The following SLC18A2 variants were observed in gnomAD, a reference collection of about 807,000 sequenced individuals.
SLC18A2 encodes solute carrier family 18 member A2.
SLC18A2 carries 33 observed loss-of-function variants against 59.2 expected under a neutral mutation model. The ratio of observed to expected loss-of-function variants is 0.56; its 90% CI spans 0.42 to 0.75. The LOEUF (loss-of-function observed/expected upper bound fraction) is 0.75, where lower values mean the gene tolerates loss of function less well. SLC18A2 is among the 30% of genes least tolerant of loss of function. The pLI, the probability that SLC18A2 is intolerant of heterozygous loss-of-function variation, is 0.00. For synonymous variants in SLC18A2, 228 were observed against 253.5 expected (o/e 0.90, Z 0.95); for missense variants, 569 against 668.6 (o/e 0.85, Z 1.64).
chr10:117,274,665 T>C lies in SLC18A2; in HGVS notation c.1441-2497T>C, dbSNP rs1335256193. Among the ~76,000 whole-genome samples, 4 of 152,122 alleles carry C rather than the reference T, an allele frequency of 2.6e-5. No homozygotes were observed. The South Asian group carries it at 6.2e-4, about 24-fold the overall frequency. On this transcript the variant is annotated intron_variant, in intron 15 of 15. Transcript: ENST00000644641. ...CTTACTTAGTGTCCTGCTTGGTAAATAACTCATGTTTTACTCATTGCCACC... is the reference window on the plus strand; with the variant it reads ...CTTACTTAGTGTCCTGCTTGGTAAACAACTCATGTTTTACTCATTGCCACC...
At chr10:117,248,538 C>T (rs1394500538) in intron 3 of SLC18A2, among the ~76,000 whole-genome samples, 1 of 152,146 alleles carries the variant, frequency 6.6e-6, no homozygotes, top group Non-Finnish European at 1.5e-5. Flanking sequence ...GAACCTCTTG[C>T]CTCCTATTTT....
chr10:117,268,001 G>A, intron 13 of SLC18A2: 3 of 368,682 alleles, frequency 8.1e-6, no homozygotes, highest in East Asian at 3.9e-5. Flanking sequence ...CTGGGGCTGG[G>A]CAAACAAAGG....
At chr10:117,252,283 C>T (rs868478633) in intron 3 of SLC18A2, among the ~76,000 whole-genome samples, 2 of 143,340 alleles carry the variant, frequency 1.4e-5, no homozygotes, top group Non-Finnish European at 3.1e-5. Context: ...CATGCTCAGC[C>T]GATTACAATT....
intron 3 of SLC18A2, among the ~76,000 whole-genome samples, chr10:117,247,599 A>AGAC (rs1844121894): frequency 6.6e-6 from 1 of 152,240 alleles, no homozygotes; most frequent in South Asian, 2.1e-4. Flanking sequence ...ACCAGGCAGA[A>AGAC]CTGCTGGAGA....
chr10:117,261,386 C>T (rs1168837064), intron 10 of SLC18A2, among the ~76,000 whole-genome samples: 3 of 152,158 alleles, frequency 2.0e-5, no homozygotes, highest in African/African-American at 7.2e-5. Context: ...TGGCTGACCG[C>T]AATCTCTGCC....
At chr10:117,241,315 CG>C (rs1325301505) in intron 1 of SLC18A2, 95 bp downstream of exon 1, 1 of 173,724 alleles carries the variant, frequency 5.8e-6, no homozygotes, top group Non-Finnish European at 1.2e-5. Flanking sequence ...CAGAGCTACG[CG>C]GGCGGGGCTG....
chr10:117,273,394 A>G (rs1265425715), intron 15 of SLC18A2, among the ~76,000 whole-genome samples: 2 of 152,204 alleles, frequency 1.3e-5, no homozygotes, highest in African/African-American at 4.8e-5. Flanking sequence ...TCCAGGTTGA[A>G]GAATTATTTT....
Position 117,241,731 on chromosome 10 carries a change from A to C in SLC18A2, c.38A>C (p.Gln13Pro). The change falls in exon 2 of 16, where the codon CAG becomes CCG. Residue 13 changes from glutamine (Q) to proline (P), a missense_variant. Gln to Pro is a moderately conservative substitution (Grantham distance 76). This residue lies in a region of SLC18A2 where 377 missense variants were observed against 389.8 expected (regional missense o/e 0.97). Coordinates refer to ENST00000644641, the MANE Select transcript of SLC18A2 (RefSeq NM_003054.6). The stretch of plus-strand genomic sequence containing the variant: ...GAGCTGGCGCTGGTCCGCTGGCTGC[A>C]GGAGAGCCGCCGCTCGCGGAAGCTC... ...LSELALVRWL[Q>P]ESRRSRKLIL... 2.5e-6 allele frequency: 4 copies of C among 1,607,692 alleles called. No homozygotes were observed. The highest frequency in any genetic ancestry group is 2.5e-6 in the Non-Finnish European group (3 of 1,178,066).
chr10:117,263,861 C>T (rs189932071), intron 10 of SLC18A2, among the ~76,000 whole-genome samples: 3 of 152,202 alleles, frequency 2.0e-5, no homozygotes, highest in East Asian at 1.9e-4. Context: ...GGGTAGGACA[C>T]GGGCCTGTAC....
Position 117,269,962 on chromosome 10 carries a change from G to A in SLC18A2, c.1187-109G>A, listed in dbSNP as rs1844405174. On this transcript the variant is annotated intron_variant, in intron 13 of 15. Coordinates refer to ENST00000644641, the MANE Select transcript of SLC18A2 (RefSeq NM_003054.6). The surrounding 1 kb of genome is among the most constrained non-coding windows in gnomAD (Gnocchi z 5.1). The stretch of plus-strand genomic sequence containing the variant: ...CCAAGACTTGCAGGTGGTGATGACA[G>A]AAGGGGAAGAGCTGGCAGGGTGGTG... 1.5e-6 allele frequency: 2 copies of A among 1,344,426 alleles called. No individual in the cohort carries two copies. The highest frequency in any genetic ancestry group is 2.1e-6 in the Non-Finnish European group (2 of 965,078). 83.3% of individuals were successfully genotyped at this position (1,344,426 alleles called of 1,614,324 possible).
rs774822753 is a variant in SLC18A2 at position 117,267,049 on chromosome 10, G to T, written c.1122+14G>T. 4 of 1,604,964 alleles carry T rather than the reference G, an allele frequency of 2.5e-6. No individual in the cohort carries two copies. In the South Asian group the frequency reaches 4.5e-5, roughly 18 times the overall value. Reference sequence around the variant, plus strand: ...AGCATTTTATGTGTGAGTAAAAGATGGCATTTGACAAGTGGGAACAATCTG... The same window carrying T: ...AGCATTTTATGTGTGAGTAAAAGATTGCATTTGACAAGTGGGAACAATCTG... On this transcript the variant is annotated intron_variant, in intron 12 of 15. Transcript: ENST00000644641.
intron 10 of SLC18A2, among the ~76,000 whole-genome samples, chr10:117,265,825 C>T (rs191638674): frequency 7.0e-4 from 106 of 152,314 alleles, no homozygotes; most frequent in Non-Finnish European, 1.4e-3. Context: ...CGTGGTGGCT[C>T]ACGCCTGTAA....
At chr10:117,266,708 A>C in intron 10 of SLC18A2, 25 bp from the exon 11 acceptor site, 1 of 1,543,368 alleles carries the variant, frequency 6.5e-7, no homozygotes, top group South Asian at 1.1e-5. Context: ...AGCACTGATA[A>C]GGTCTCCTTT....
chr10:117,254,551 G>A (rs1844204317), intron 6 of SLC18A2, 54 bp downstream of exon 6: 3 of 1,337,946 alleles, frequency 2.2e-6, no homozygotes, highest in African/African-American at 2.9e-5. Flanking sequence ...CCTGGTGCTG[G>A]ACAGCGGCAG....
At chr10:117,251,557 T>C (rs1565002912) in intron 3 of SLC18A2, among the ~76,000 whole-genome samples, 1 of 152,200 alleles carries the variant, frequency 6.6e-6, no homozygotes, top group Non-Finnish European at 1.5e-5. Context: ...GGGGAATCTT[T>C]GCATGGTTTG....
intron 15 of SLC18A2, among the ~76,000 whole-genome samples, chr10:117,273,695 G>GT (rs1844452338): frequency 6.6e-6 from 1 of 152,160 alleles, no homozygotes; most frequent in Non-Finnish European, 1.5e-5. Context: ...TGCTTTTCTA[G>GT]TTATGTTAAA....
chr10:117,273,235 G>A (rs1201593477), intron 15 of SLC18A2, among the ~76,000 whole-genome samples: 2 of 152,086 alleles, frequency 1.3e-5, no homozygotes, highest in Non-Finnish European at 2.9e-5. Context: ...AGTATAGGTG[G>A]AGGAAAAAAA....
chr10:117,277,116 T>G, intron 15 of SLC18A2, 46 bp from the exon 16 acceptor site: 1 of 1,101,944 alleles, frequency 9.1e-7, no homozygotes, highest in East Asian at 2.4e-5. Flanking sequence ...CCATCTTATC[T>G]TTATGAAACA....
chr10:117,251,967 A>G (rs1171281246), intron 3 of SLC18A2, among the ~76,000 whole-genome samples: 1 of 151,356 alleles, frequency 6.6e-6, no homozygotes, highest in East Asian at 1.9e-4. Context: ...TTATTTATTT[A>G]TTTACTTTTG....
Sources: allele counts gnomAD v4.1 joint callset (sites outside exome capture counted in the v4.1 genomes callset), GRCh38; gene constraint gnomAD v4.1.1; regional missense constraint gnomAD v4.1.1; non-coding constraint Gnocchi (gnomAD v3.1); transcripts MANE v1.5; gene names NCBI Gene and HGNC (gene_info 2026-07-23, HGNC 2026-07-21).